The following IRF2 variants were observed in gnomAD, a reference collection of about 807,000 sequenced individuals.
IRF2 encodes the protein interferon regulatory factor 2.
Under a neutral mutation model 40.6 loss-of-function variants are expected in IRF2, and 15 were observed. The observed-to-expected ratio is 0.37, with a 90% CI of 0.25 to 0.57. The LOEUF is 0.57. Ranked by LOEUF, IRF2 falls within the 20% of genes least tolerant of loss-of-function variation. IRF2 has a pLI of 0.77. For missense variants in IRF2, 317 were observed against 455.7 expected (o/e 0.70, Z 2.77); for synonymous variants, 151 against 165.5 (o/e 0.91, Z 0.67).
intron 1 of IRF2, among the ~76,000 whole-genome samples, chr4:184,473,175 C>T (rs1424979928): frequency 2.6e-5 from 4 of 151,630 alleles, no homozygotes; most frequent in Non-Finnish European, 4.4e-5. Flanking sequence ...CAACCATGTT[C>T]GGCCAGCGGG....
intron 1 of IRF2, among the ~76,000 whole-genome samples, chr4:184,438,949 G>A (rs1460241683): frequency 6.6e-6 from 1 of 152,164 alleles, no homozygotes; most frequent in Non-Finnish European, 1.5e-5. Flanking sequence ...GGACCCTGAC[G>A]GCTGAAGTCA....
At chr4:184,430,038 G>A (rs1296204901) in intron 1 of IRF2, among the ~76,000 whole-genome samples, 2 of 152,208 alleles carry the variant, frequency 1.3e-5, no homozygotes, top group Non-Finnish European at 2.9e-5. Flanking sequence ...CACAGACAGT[G>A]TGACACTGTA....
intron 1 of IRF2, among the ~76,000 whole-genome samples, chr4:184,437,687 C>T (rs964021150): frequency 2.0e-5 from 3 of 152,128 alleles, no homozygotes; most frequent in Non-Finnish European, 4.4e-5. Context: ...ACGCAGGCTG[C>T]TATAATGACT....
At chr4:184,395,064 A>T (rs953414396) in intron 7 of IRF2, among the ~76,000 whole-genome samples, 2 of 152,184 alleles carry the variant, frequency 1.3e-5, no homozygotes, top group African/African-American at 4.8e-5. Context: ...AGTAGGGGGA[A>T]AAACTAGCAA....
intron 7 of IRF2, 63 bp from the exon 8 acceptor site, chr4:184,390,812 G>C: frequency 6.3e-7 from 1 of 1,577,910 alleles, no homozygotes; most frequent in African/African-American, 1.3e-5. Flanking sequence ...CCCAGGCTCA[G>C]GCAGTGTTTA....
intron 6 of IRF2, among the ~76,000 whole-genome samples, chr4:184,400,762 A>G (rs1736637395): frequency 6.6e-6 from 1 of 152,192 alleles, no homozygotes; most frequent in South Asian, 2.1e-4. Context: ...CCATTCTCAT[A>G]GGTAAGTCAT....
intron 1 of IRF2, among the ~76,000 whole-genome samples, chr4:184,433,413 T>C (rs1458639859): frequency 6.6e-6 from 1 of 152,186 alleles, no homozygotes; most frequent in African/African-American, 2.4e-5. Flanking sequence ...ACTCCTCCAC[T>C]GGTCGGCGTG....
At chr4:184,405,998 G>A (rs1736839854) in intron 6 of IRF2, among the ~76,000 whole-genome samples, 1 of 152,100 alleles carries the variant, frequency 6.6e-6, no homozygotes, top group Non-Finnish European at 1.5e-5. Context: ...TGTTGTTGTG[G>A]GTTCTGTGTC....
intron 1 of IRF2, among the ~76,000 whole-genome samples, chr4:184,467,319 A>G (rs1156388714): frequency 3.3e-5 from 5 of 152,126 alleles, no homozygotes; most frequent in Non-Finnish European, 5.9e-5. Context: ...ACTCTCTCCC[A>G]TTCAAGAATC....
chr4:184,462,241 T>G (rs1453978072), intron 1 of IRF2, among the ~76,000 whole-genome samples: 1 of 152,252 alleles, frequency 6.6e-6, no homozygotes, highest in Non-Finnish European at 1.5e-5. Flanking sequence ...TCTGAGCCAC[T>G]GAGCAGCTGG....
chr4:184,409,179 G>C (rs1167951095), intron 5 of IRF2, among the ~76,000 whole-genome samples: 1 of 152,202 alleles, frequency 6.6e-6, no homozygotes, highest in African/African-American at 2.4e-5. Context: ...GAAGAGGGTA[G>C]AGAGCAGAAG....
At chr4:184,409,409 T>C (rs1222375534) in intron 5 of IRF2, among the ~76,000 whole-genome samples, 1 of 152,220 alleles carries the variant, frequency 6.6e-6, no homozygotes, top group Middle Eastern at 3.4e-3. Flanking sequence ...CTTAATAACA[T>C]GACTTCAAAG....
intron 1 of IRF2, chr4:184,472,312 T>C (rs1397874902): frequency 6.6e-6 from 1 of 152,198 alleles, no homozygotes; most frequent in Non-Finnish European, 1.5e-5. Flanking sequence ...CTGGGCCTGG[T>C]AGGGATAACT....
chr4:184,433,655 GGGTTGGTT>G (rs3836658), intron 1 of IRF2, among the ~76,000 whole-genome samples: 1 of 151,562 alleles, frequency 6.6e-6, no homozygotes, highest in African/African-American at 2.4e-5. Context: ...TTGTTTGCTT[GGGTTGGTT>G]GGTTGGTTGG....
chr4:184,404,338 T>C (rs17075783), intron 6 of IRF2, among the ~76,000 whole-genome samples: 12,134 of 152,220 alleles, frequency 0.08, 553 homozygotes, highest in South Asian at 0.15. Context: ...CTTGATGACA[T>C]GGCACAGATG....
intron 1 of IRF2, among the ~76,000 whole-genome samples, chr4:184,451,234 C>T (rs1301404847): frequency 6.6e-6 from 1 of 152,176 alleles, no homozygotes; most frequent in Non-Finnish European, 1.5e-5. Context: ...GCCCCAGAGA[C>T]CTTCCTACCA....
At chr4:184,399,212 T>A in intron 6 of IRF2, 133 bp from the exon 7 acceptor site, 2 of 885,220 alleles carry the variant, frequency 2.3e-6, no homozygotes, top group Non-Finnish European at 3.3e-6. Flanking sequence ...GCCATGGGGC[T>A]GAAGAACACG....
At chr4:184,407,377 C>T (rs993809337) in intron 6 of IRF2, 15 of 510,000 alleles carry the variant, frequency 2.9e-5, no homozygotes, top group African/African-American at 2.8e-4. Flanking sequence ...TCCTGTGCAT[C>T]TGGCCATACA....
chr4:184,463,523 T>G (rs1391993062), intron 1 of IRF2, among the ~76,000 whole-genome samples: 1 of 152,226 alleles, frequency 6.6e-6, no homozygotes, highest in Admixed American at 6.5e-5. Flanking sequence ...TTAGATAAAA[T>G]TAGTTAAATG....
Sources: allele counts gnomAD v4.1 joint callset (sites outside exome capture counted in the v4.1 genomes callset), GRCh38; gene constraint gnomAD v4.1.1; transcripts MANE v1.5; gene names NCBI Gene and HGNC (gene_info 2026-07-23, HGNC 2026-07-21).